GRID1: variants seen among roughly 807,000 people sequenced by gnomAD.
The protein encoded by GRID1 is glutamate ionotropic receptor delta type subunit 1.
A neutral mutation model predicts 98.0 loss-of-function variants in GRID1; 28 were observed. The observed-to-expected ratio is 0.29, with a 90% confidence interval of 0.21 to 0.39. The LOEUF is 0.39. Among genes scored for constraint, GRID1 ranks in the 10% least tolerant of loss-of-function variants. The pLI, the probability that GRID1 is intolerant of heterozygous loss-of-function variation, is 1.00. For synonymous variants in GRID1, 553 were observed against 538.5 expected, an observed-to-expected ratio of 1.03 and a Z score of -0.37; for missense variants, 1,111 against 1,340.5, an observed-to-expected ratio of 0.83 and a Z score of 2.67.
intron 12 of GRID1, among the ~76,000 whole-genome samples, chr10:85,675,507 T>C (rs1427136400): frequency 6.6e-6 from 1 of 152,198 alleles, no homozygotes; most frequent in Non-Finnish European, 1.5e-5. Flanking sequence ...GGGGAATTCA[T>C]TGATTCAGTC....
At chr10:86,267,333 A>G (rs1589432005) in intron 2 of GRID1, among the ~76,000 whole-genome samples, 2 of 152,334 alleles carry the variant, frequency 1.3e-5, no homozygotes, top group South Asian at 4.1e-4. Flanking sequence ...TCTGATCCAC[A>G]TACGGTCCCA....
chr10:85,612,223 C>T (rs1021624570), intron 15 of GRID1, among the ~76,000 whole-genome samples: 4 of 152,156 alleles, frequency 2.6e-5, no homozygotes, highest in Non-Finnish European at 4.4e-5. Context: ...ATGGAGGGTG[C>T]GATGTGGCCA....
At chr10:85,651,988 A>T (rs185275464) in intron 12 of GRID1, among the ~76,000 whole-genome samples, 1 of 152,168 alleles carries the variant, frequency 6.6e-6, no homozygotes, top group Non-Finnish European at 1.5e-5. Context: ...GTATCTCCTG[A>T]CCTGGATTAC....
chr10:86,260,362 C>A (rs543794231), intron 2 of GRID1, among the ~76,000 whole-genome samples: 2 of 152,334 alleles, frequency 1.3e-5, no homozygotes, highest in East Asian at 3.9e-4. Flanking sequence ...AGTTAGGTAA[C>A]TTTCCCTAGG....
chr10:85,865,541 G>A (rs1260960965), intron 6 of GRID1, among the ~76,000 whole-genome samples: 1 of 152,136 alleles, frequency 6.6e-6, no homozygotes, highest in Non-Finnish European at 1.5e-5. Flanking sequence ...AAGATGGACT[G>A]GAGAGCTCCA....
chr10:86,256,067 C>T (rs2607823), intron 2 of GRID1, among the ~76,000 whole-genome samples: 124,361 of 152,146 alleles, frequency 0.82, 51,754 homozygotes, highest in Non-Finnish European at 0.88. Flanking sequence ...GTAGTTGGCA[C>T]AGCTTTTCCA....
chr10:85,721,219 A>C (rs1227223473), intron 12 of GRID1, among the ~76,000 whole-genome samples: 1 of 152,218 alleles, frequency 6.6e-6, no homozygotes, highest in Non-Finnish European at 1.5e-5. Context: ...ATGCAGAGAA[A>C]CTGGATTATT....
intron 12 of GRID1, among the ~76,000 whole-genome samples, chr10:85,668,343 G>T (rs1192599381): frequency 6.6e-6 from 1 of 152,160 alleles, no homozygotes; most frequent in Non-Finnish European, 1.5e-5. Flanking sequence ...TGTGTGGTTG[G>T]CTACCCTTGT....
At chr10:86,147,809 C>A (rs995915436) in intron 3 of GRID1, among the ~76,000 whole-genome samples, 2 of 152,178 alleles carry the variant, frequency 1.3e-5, no homozygotes, top group Non-Finnish European at 2.9e-5. Flanking sequence ...AGAACCCCGA[C>A]CACATTTTAT....
chr10:85,918,922 C>T (rs564808904), intron 4 of GRID1, among the ~76,000 whole-genome samples: 38 of 152,288 alleles, frequency 2.5e-4, no homozygotes, highest in Non-Finnish European at 4.3e-4. Context: ...TTCTCCAGTC[C>T]GGCTGTGTTT....
At chr10:85,725,518 C>A (rs561502894) in intron 10 of GRID1, among the ~76,000 whole-genome samples, 2 of 152,230 alleles carry the variant, frequency 1.3e-5, no homozygotes, top group East Asian at 1.9e-4. Flanking sequence ...AAGTTTGGGG[C>A]GATTACGGGT....
At chr10:86,073,387 G>C (rs1040464733) in intron 4 of GRID1, among the ~76,000 whole-genome samples, 1 of 152,226 alleles carries the variant, frequency 6.6e-6, no homozygotes, top group African/African-American at 2.4e-5. Flanking sequence ...GACTTCATCT[G>C]TGTGCTGGGA....
chr10:85,896,717 A>T (rs1241379872), intron 5 of GRID1, among the ~76,000 whole-genome samples: 1 of 152,238 alleles, frequency 6.6e-6, no homozygotes, highest in African/African-American at 2.4e-5. Flanking sequence ...GGTAAAAACA[A>T]ATAACAATTT....
intron 12 of GRID1, among the ~76,000 whole-genome samples, chr10:85,694,579 T>TAG (rs1841371275): frequency 2.2e-4 from 20 of 92,344 alleles, no homozygotes; most frequent in African/African-American, 1.4e-3. Context: ...TATATATATA[T>TAG]ATATATATAT....
intron 12 of GRID1, among the ~76,000 whole-genome samples, chr10:85,665,237 TG>T (rs1295489990): frequency 2.0e-5 from 3 of 152,078 alleles, no homozygotes; most frequent in African/African-American, 7.2e-5. Context: ...ACCTGGGCAG[TG>T]ACTAGCCCAC....
chr10:86,313,027 C>A (rs1310139308), intron 2 of GRID1, among the ~76,000 whole-genome samples: 1 of 152,220 alleles, frequency 6.6e-6, no homozygotes, highest in Non-Finnish European at 1.5e-5. Flanking sequence ...AGCCTTTAGC[C>A]ACAGCTCAGC....
chr10:85,928,656 A>G (rs1841809033), intron 4 of GRID1, among the ~76,000 whole-genome samples: 1 of 152,220 alleles, frequency 6.6e-6, no homozygotes, highest in Non-Finnish European at 1.5e-5. Context: ...CCCACTTTCA[A>G]GCCCCAGGGA....
At chr10:86,171,363 A>T (rs532906988) in intron 3 of GRID1, among the ~76,000 whole-genome samples, 26 of 152,310 alleles carry the variant, frequency 1.7e-4, no homozygotes, top group East Asian at 7.7e-4. Flanking sequence ...TGCAAGGCCA[A>T]CCCCACCAGT....
chr10:85,736,808 C>T (rs1590210977), intron 8 of GRID1, among the ~76,000 whole-genome samples: 1 of 152,124 alleles, frequency 6.6e-6, no homozygotes, highest in Admixed American at 6.6e-5. Flanking sequence ...TCAGATAATC[C>T]ATTGCAAGCC....
Sources: allele counts gnomAD v4.1 joint callset (sites outside exome capture counted in the v4.1 genomes callset), GRCh38; gene constraint gnomAD v4.1.1; transcripts MANE v1.5; gene names NCBI Gene and HGNC (gene_info 2026-07-23, HGNC 2026-07-21).